Variants in LRP1B observed in about 807,000 individuals in gnomAD.
LRP1B encodes the protein LDL receptor related protein 1B.
LRP1B carries 217 observed loss-of-function variants against 556.6 expected under a neutral mutation model. The ratio of observed to expected loss-of-function variants is 0.39; its 90% CI spans 0.35 to 0.44. The LOEUF is 0.44. Ranked by LOEUF, LRP1B falls within the 20% of genes least tolerant of loss-of-function variation. LRP1B has a pLI of 1.00. For missense variants in LRP1B, 5,053 were observed against 5,620.8 expected (o/e 0.90, Z 3.23); for synonymous variants, 2,047 against 1,865.8 (o/e 1.10, Z -2.50).
At chr2:140,576,269 A>G (rs13006464) in intron 43 of LRP1B, among the ~76,000 whole-genome samples, 55,545 of 152,002 alleles carry the variant, frequency 0.37, 11,205 homozygotes, top group South Asian at 0.49. Flanking sequence ...ACAATTTCTC[A>G]GTGATTTTTG....
intron 7 of LRP1B, among the ~76,000 whole-genome samples, chr2:141,185,483 A>C (rs1481863579): frequency 1.3e-5 from 2 of 152,050 alleles, no homozygotes; most frequent in Non-Finnish European, 2.9e-5. Flanking sequence ...TGAAAGGAAG[A>C]AGAAAATCTC....
intron 43 of LRP1B, among the ~76,000 whole-genome samples, chr2:140,578,569 C>T (rs1418131515): frequency 6.6e-6 from 1 of 152,200 alleles, no homozygotes; most frequent in Non-Finnish European, 1.5e-5. Context: ...AAATACCCAA[C>T]TGGCAGCCTA....
At position 141,058,951 on chromosome 2, in the gene LRP1B, A is replaced by G; in HGVS notation, c.1340T>C (p.Ile447Thr). 2 of 1,600,882 alleles carry G rather than the reference A, an allele frequency of 1.2e-6. No individual in the cohort carries two copies. Among genetic ancestry groups the G allele is most frequent in the Middle Eastern group, 1.7e-4 (1 of 6,016 alleles). ...ATTCTCAATTTTAATTAATGAGTGAATATCAGTCCCATTAAATCGGTTTAT... is the reference window on the plus strand; with the variant it reads ...ATTCTCAATTTTAATTAATGAGTGAGTATCAGTCCCATTAAATCGGTTTAT... Reference protein sequence around the residue: ...VRINRFNGTDIHSLIKIENAW... With the variant: ...VRINRFNGTDTHSLIKIENAW... Residue 447 changes from isoleucine to threonine, a missense_variant, in exon 9 of 91, where the codon ATT becomes ACT. Transcript: ENST00000389484.
intron 41 of LRP1B, among the ~76,000 whole-genome samples, chr2:140,694,342 T>C (rs1686351995): frequency 6.6e-6 from 1 of 152,202 alleles, no homozygotes. Context: ...ACAAATGTTA[T>C]TTCCCTCCAT....
At chr2:142,032,679 G>A (rs529114975) in intron 1 of LRP1B, among the ~76,000 whole-genome samples, 1 of 151,770 alleles carries the variant, frequency 6.6e-6, no homozygotes, top group East Asian at 1.9e-4. Context: ...AGACATACAG[G>A]GCTTTGAGCC....
At chr2:140,342,513 TAAAA>T (rs1451101609) in intron 77 of LRP1B, among the ~76,000 whole-genome samples, 1 of 151,500 alleles carries the variant, frequency 6.6e-6, no homozygotes, top group Non-Finnish European at 1.5e-5. Context: ...ATTTTAGAAA[TAAAA>T]AATGCAAGAT....
At chr2:141,970,343 T>C (rs1268861470) in intron 1 of LRP1B, among the ~76,000 whole-genome samples, 1 of 151,566 alleles carries the variant, frequency 6.6e-6, no homozygotes, top group East Asian at 1.9e-4. Flanking sequence ...AAGAATGTGG[T>C]AAACAATATA....
chr2:140,356,228 A>T, intron 75 of LRP1B, 114 bp downstream of exon 75: 1 of 1,082,750 alleles, frequency 9.2e-7, no homozygotes, highest in Non-Finnish European at 1.4e-6. Flanking sequence ...GGTATCCCGT[A>T]GATACACACC....
intron 6 of LRP1B, among the ~76,000 whole-genome samples, chr2:141,218,852 A>G (rs185578428): frequency 6.6e-6 from 1 of 152,280 alleles, no homozygotes; most frequent in Admixed American, 6.5e-5. Context: ...GAGAAGAACA[A>G]AAACAGTAAG....
intron 2 of LRP1B, among the ~76,000 whole-genome samples, chr2:141,695,084 T>C (rs1346586824): frequency 6.6e-6 from 1 of 152,038 alleles, no homozygotes; most frequent in East Asian, 1.9e-4. Context: ...ATTGAACTTT[T>C]TAATTTGCAC....
chr2:141,028,718 T>C (rs1698284877), intron 11 of LRP1B, among the ~76,000 whole-genome samples: 1 of 151,058 alleles, frequency 6.6e-6, no homozygotes, highest in Non-Finnish European at 1.5e-5. Flanking sequence ...GTTTAATTAC[T>C]GTTTTTAAAG....
intron 3 of LRP1B, among the ~76,000 whole-genome samples, chr2:141,267,017 T>G (rs902152269): frequency 2.6e-5 from 4 of 152,170 alleles, no homozygotes; most frequent in African/African-American, 9.7e-5. Context: ...TCAGACTAAT[T>G]ATATGAGGAC....
chr2:141,416,267 G>T (rs1056078777), intron 3 of LRP1B, among the ~76,000 whole-genome samples: 3 of 151,998 alleles, frequency 2.0e-5, no homozygotes, highest in African/African-American at 7.2e-5. Context: ...TAAGATTTTG[G>T]TTCTGCCATT....
rs2104870160 is a variant in LRP1B at position 140,233,123 on chromosome 2, G to C, written c.*63C>G. On this transcript the variant is annotated 3_prime_UTR_variant, in exon 91 of 91. Coordinates refer to ENST00000389484, the MANE Select transcript of LRP1B (RefSeq NM_018557.3). ...ATGCCAAAACAAGTATAATACTGTTGGAACATACAAAAGTAATCCTTATAT... is the reference window on the plus strand; with the variant it reads ...ATGCCAAAACAAGTATAATACTGTTCGAACATACAAAAGTAATCCTTATAT... The C allele has an allele frequency of 1.9e-6, 2 of 1,068,320 alleles. No homozygotes were observed. The highest frequency in any genetic ancestry group is 1.3e-6 in the Non-Finnish European group (1 of 761,172). The allele number at this position is 1,068,320 out of a possible 1,614,324, so 66.2% of individuals were successfully genotyped here. A position where few individuals can be genotyped will look rare whatever the true frequency, so the allele number is the denominator to read the frequency against.
chr2:141,780,743 T>C (rs1695226823), intron 2 of LRP1B, among the ~76,000 whole-genome samples: 1 of 152,186 alleles, frequency 6.6e-6, no homozygotes, highest in South Asian at 2.1e-4. Flanking sequence ...GTGAACTATA[T>C]TAGAGATTCA....
chr2:141,127,737 C>T (rs1701251150), intron 7 of LRP1B, among the ~76,000 whole-genome samples: 1 of 151,306 alleles, frequency 6.6e-6, no homozygotes, highest in Admixed American at 6.6e-5. Context: ...GTTCAATTAC[C>T]TGGCTCTGTA....
At chr2:142,086,528 C>G (rs1435364205) in intron 1 of LRP1B, among the ~76,000 whole-genome samples, 8 of 151,804 alleles carry the variant, frequency 5.3e-5, no homozygotes. Context: ...ACGTTTGAAC[C>G]CGGGAGGCGG....
intron 82 of LRP1B, among the ~76,000 whole-genome samples, chr2:140,315,910 G>A (rs537629368): frequency 4.4e-4 from 67 of 152,132 alleles, no homozygotes; most frequent in African/African-American, 1.6e-3. Flanking sequence ...GGTACAAGTT[G>A]GTGACAGAAC....
intron 2 of LRP1B, among the ~76,000 whole-genome samples, chr2:141,785,740 C>T (rs1040329383): frequency 2.0e-5 from 3 of 151,158 alleles, no homozygotes; most frequent in Non-Finnish European, 3.0e-5. Context: ...ATTCTTGGAA[C>T]TGATAGAGTC....
Sources: allele counts gnomAD v4.1 joint callset (sites outside exome capture counted in the v4.1 genomes callset), GRCh38; gene constraint gnomAD v4.1.1; transcripts MANE v1.5; gene names NCBI Gene and HGNC (gene_info 2026-07-23, HGNC 2026-07-21).